VWA3B: variants seen among roughly 807,000 people sequenced by gnomAD.
The protein encoded by VWA3B is von Willebrand factor A domain-containing protein 3B.
In VWA3B, 138 loss-of-function variants were observed where a neutral mutation model predicts 158.3. That is an observed-to-expected ratio of 0.87 (90% CI 0.76 to 1.00). The LOEUF is 1.00. VWA3B is among the 50% of genes least tolerant of loss of function. VWA3B has a pLI of 0.00. For synonymous variants in VWA3B, 596 were observed against 587.3 expected, an observed-to-expected ratio of 1.01 and a Z score of -0.21; for missense variants, 1,555 against 1,565.1, an observed-to-expected ratio of 0.99 and a Z score of 0.11.
chr2:98,197,603 C>T (rs1043771606), intron 12 of VWA3B, among the ~76,000 whole-genome samples: 1 of 152,046 alleles, frequency 6.6e-6, no homozygotes, highest in African/African-American at 2.4e-5. Flanking sequence ...CCCCCTTTTA[C>T]TTATTCATTT....
chr2:98,230,079 C>T lies in VWA3B; in HGVS notation c.2180C>T (p.Ser727Leu), dbSNP rs2105697229. 6.3e-7 allele frequency: 1 copy of T among 1,593,558 alleles called. No individual in the cohort carries two copies. The highest frequency in any genetic ancestry group is 8.5e-7 in the Non-Finnish European group (1 of 1,174,916). Residue 727 changes from serine to leucine, a missense_variant, in exon 16 of 28, where the codon TCA becomes TTA. Coordinates refer to ENST00000477737, the MANE Select transcript of VWA3B (RefSeq NM_144992.5). ...CAAAAGGAAATCTGTTCTATGATTT[C>T]AACCCCAGAAAAGTGTGCAAAGCCT... The part of the protein sequence containing the change: ...KHQKEICSMI[S>L]TPEKCAKPQS...
intron 22 of VWA3B, among the ~76,000 whole-genome samples, chr2:98,272,753 T>C (rs1372704711): frequency 6.6e-6 from 1 of 152,222 alleles, no homozygotes; most frequent in East Asian, 1.9e-4. Context: ...CATATAAATA[T>C]ATATATGCCA....
Position 98,312,293 on chromosome 2 carries a change from A to G in VWA3B, c.3829A>G (p.Thr1277Ala). ...TCCACCTCGAGCAGCCCTGCCCTGT[A>G]CTCTCCAAGCCACCCACAGCAGCAA... ...TPPPRAALPC[T>A]LQATHSSKGL... The change falls in exon 28 of 28, where the codon ACT (threonine) becomes GCT (alanine). Residue 1277 changes from threonine to alanine, a missense_variant. Thr to Ala is a moderately conservative substitution (Grantham distance 58). Transcript: ENST00000477737. 6.2e-7 allele frequency: 1 copy of G among 1,613,762 alleles called. No individual in the cohort carries two copies. Among genetic ancestry groups the G allele is most frequent in the South Asian group, 1.1e-5 (1 of 91,058 alleles).
chr2:98,267,229 CT>C (rs1222845908), intron 21 of VWA3B, among the ~76,000 whole-genome samples: 2 of 151,572 alleles, frequency 1.3e-5, no homozygotes, highest in Non-Finnish European at 2.9e-5. Flanking sequence ...CCATCAATAC[CT>C]AATTTATTGA....
At chr2:98,173,455 G>A (rs1162384709) in intron 8 of VWA3B, among the ~76,000 whole-genome samples, 1 of 152,152 alleles carries the variant, frequency 6.6e-6, no homozygotes, top group East Asian at 1.9e-4. Flanking sequence ...ACTGAGCTTC[G>A]CATTTTCCAG....
chr2:98,328,648 C>T, the VWA3B span, among the ~76,000 whole-genome samples: 1 of 152,254 alleles, frequency 6.6e-6, no homozygotes, highest in South Asian at 2.1e-4. Flanking sequence ...AGAAGAACCT[C>T]TACCTTGAAA....
At chr2:98,120,591 A>T (rs994487458) in intron 4 of VWA3B, among the ~76,000 whole-genome samples, 1 of 152,226 alleles carries the variant, frequency 6.6e-6, no homozygotes, top group African/African-American at 2.4e-5. Context: ...CACACAGCAG[A>T]CACGAGTGTG....
In VWA3B at chr2:98,092,816, G is replaced by GTATATATA. The variant is rs70940110; in HGVS notation, c.-32-208_-32-201dup. 4.9e-3 allele frequency among the ~76,000 whole-genome samples: 254 copies of GTATATATA among 51,472 alleles called. 9 individuals are homozygous for GTATATATA. Among genetic ancestry groups the GTATATATA allele is most frequent in the East Asian group, 0.012 (14 of 1,148 alleles). 33.8% of individuals were successfully genotyped at this position (51,472 alleles called of 152,430 possible). A position where few individuals can be genotyped will look rare whatever the true frequency, so the allele number is the denominator to read the frequency against. ...ACGGAATATCTTTCTAGATGTTTTT[G>GTATATATA]TATATATATATATATATATATATAT... On this transcript the variant is annotated intron_variant, in intron 1 of 27. Transcript: ENST00000477737.
In VWA3B at chr2:98,234,838, C is replaced by A. The variant is rs185555096; in HGVS notation, c.2428+71C>A. 1.1e-5 allele frequency: 18 copies of A among 1,590,840 alleles called. No homozygotes were observed. The East Asian group carries it at 3.6e-4, about 32-fold the overall frequency. On this transcript the variant is annotated intron_variant, in intron 17 of 27. Transcript: ENST00000477737. ...AGTGTATCTGTTCCAGAAAGAGCTGCGTGTAGATATGTTGGGGAAATCATA... is the reference window on the plus strand; with the variant it reads ...AGTGTATCTGTTCCAGAAAGAGCTGAGTGTAGATATGTTGGGGAAATCATA...
At chr2:98,129,114 C>T (rs1422095197) in intron 6 of VWA3B, among the ~76,000 whole-genome samples, 3 of 152,132 alleles carry the variant, frequency 2.0e-5, no homozygotes, top group Admixed American at 6.5e-5. Context: ...AAGGAGAATT[C>T]GGTTTCTGGT....
chr2:98,242,308 A>G (rs1283562650), intron 19 of VWA3B: 1 of 456,128 alleles, frequency 2.2e-6, no homozygotes, highest in East Asian at 6.9e-5. Context: ...GGTATTGAGC[A>G]AAGAGGTTGC....
intron 21 of VWA3B, among the ~76,000 whole-genome samples, chr2:98,262,272 A>G (rs1159430415): frequency 6.6e-6 from 1 of 151,816 alleles, no homozygotes; most frequent in Admixed American, 6.6e-5. Flanking sequence ...TTGATGCACA[A>G]AAGTTTTTAA....
intron 8 of VWA3B, among the ~76,000 whole-genome samples, chr2:98,173,239 C>T (rs1415355913): frequency 6.6e-6 from 1 of 152,176 alleles, no homozygotes; most frequent in Non-Finnish European, 1.5e-5. Context: ...GAATGACACA[C>T]TTGTCAAAGT....
At chr2:98,126,274 G>C (rs545008910) in intron 5 of VWA3B, among the ~76,000 whole-genome samples, 1 of 152,222 alleles carries the variant, frequency 6.6e-6, no homozygotes, top group Non-Finnish European at 1.5e-5. Flanking sequence ...AGTGCCAGAG[G>C]AAAGAAGCTG....
chr2:98,114,634 C>T (rs940918196), intron 2 of VWA3B, among the ~76,000 whole-genome samples: 4 of 152,160 alleles, frequency 2.6e-5, no homozygotes, highest in African/African-American at 9.7e-5. Flanking sequence ...ACCTTTGGGA[C>T]TTAAAAATAA....
Position 98,192,884 on chromosome 2 carries a change from T to C in VWA3B, c.1467-14T>C, listed in dbSNP as rs1340923259. 6.2e-7 allele frequency: 1 copy of C among 1,614,190 alleles called. No individual in the cohort carries two copies. The highest frequency in any genetic ancestry group is 1.7e-5 in the Admixed American group (1 of 60,024). Reference sequence around the variant, plus strand: ...AGGCTCTCACCATTCACTTTCAACCTACTTCCTGCCTAGGATTAAATGGCT... The same window carrying C: ...AGGCTCTCACCATTCACTTTCAACCCACTTCCTGCCTAGGATTAAATGGCT... On this transcript the variant is annotated splice_polypyrimidine_tract_variant and intron_variant, in intron 10 of 27. Coordinates refer to ENST00000477737, the MANE Select transcript of VWA3B (RefSeq NM_144992.5).
chr2:98,099,945 G>C (rs1682969566), intron 2 of VWA3B, among the ~76,000 whole-genome samples: 1 of 151,852 alleles, frequency 6.6e-6, no homozygotes. Context: ...TTTTTATTCT[G>C]GTAACTTATG....
chr2:98,143,973 A>C lies in VWA3B; in HGVS notation c.988+10034A>C, dbSNP rs556824685. On this transcript the variant is annotated intron_variant, in intron 7 of 27. Transcript: ENST00000477737. ...TCACTATGTTGTCCAGGCTGGTCTCAAACTCCTGGCCTCAAGCAATCCCCC... is the reference window on the plus strand; with the variant it reads ...TCACTATGTTGTCCAGGCTGGTCTCCAACTCCTGGCCTCAAGCAATCCCCC... Among the ~76,000 whole-genome samples, 11 of 152,002 alleles carry C rather than the reference A, an allele frequency of 7.2e-5. No individual in the cohort carries two copies. In the East Asian group the frequency reaches 1.7e-3, roughly 24 times the overall value.
intron 8 of VWA3B, among the ~76,000 whole-genome samples, chr2:98,164,335 A>C (rs1678893337): frequency 6.6e-6 from 1 of 152,210 alleles, no homozygotes; most frequent in African/African-American, 2.4e-5. Flanking sequence ...TCTTCTATCT[A>C]ATTTGGAATA....
Sources: gnomAD v4.1 joint callset for allele counts (sites outside exome capture counted in the v4.1 genomes callset) on GRCh38, gnomAD v4.1.1 for gene constraint, MANE v1.5 for transcripts, NCBI Gene and HGNC (gene_info 2026-07-23, HGNC 2026-07-21) for gene names.